UFM1: variants seen among roughly 807,000 people sequenced by gnomAD.
UFM1 encodes ubiquitin fold modifier 1, also known as ubiquitin-fold modifier 1.
Under a neutral mutation model 15.4 loss-of-function variants are expected in UFM1, and 9 were observed. The ratio of observed to expected loss-of-function variants is 0.59; its 90% CI spans 0.35 to 1.02. The LOEUF (loss-of-function observed/expected upper bound fraction) is 1.02, where lower values mean the gene tolerates loss of function less well. UFM1 is among the 50% of genes least tolerant of loss of function. The probability of loss-of-function intolerance (pLI) is 0.02; values close to 1 mark genes in which losing one functional copy is unlikely to be tolerated. For synonymous variants in UFM1, 27 were observed against 36.3 expected (o/e 0.74, Z 0.92); for missense variants, 98 against 104.7 (o/e 0.94, Z 0.28).
chr13:38,354,118 A>G lies in UFM1; in HGVS notation c.60-121A>G, dbSNP rs138910975. On this transcript the variant is annotated intron_variant, in intron 2 of 5. Transcript: ENST00000239878. Reference sequence around the variant, plus strand: ...AATGTAGTATGCAATCAAAATCACTAACTTTGAAACTGAAAAGACAGCTTT... The same window carrying G: ...AATGTAGTATGCAATCAAAATCACTGACTTTGAAACTGAAAAGACAGCTTT... The G allele has an allele frequency of 3.4e-4, 258 of 757,950 alleles. No homozygotes were observed. In the African/African-American group the frequency reaches 4.2e-3, roughly 12 times the overall value. The allele number at this position is 757,950 out of a possible 1,614,324, so 47.0% of individuals were successfully genotyped here. A position where few individuals can be genotyped will look rare whatever the true frequency, so the allele number is the denominator to read the frequency against.
chr13:38,363,070 T>C lies in UFM1; in HGVS notation c.*2292T>C, dbSNP rs185232733. 1 of 152,120 alleles carries C rather than the reference T, an allele frequency of 6.6e-6. No homozygotes were observed. The highest frequency in any genetic ancestry group is 1.5e-5 in the Non-Finnish European group (1 of 68,010). 9.4% of individuals were successfully genotyped at this position (152,120 alleles called of 1,614,324 possible). The stretch of plus-strand genomic sequence containing the variant: ...ACCTTTTGAGTCAGTATATAATACA[T>C]GTAGTAAAGAAAAAAAGGGCAAAGA... On this transcript the variant is annotated 3_prime_UTR_variant, in exon 6 of 6. Coordinates refer to ENST00000239878, the MANE Select transcript of UFM1 (RefSeq NM_016617.4).
chr13:38,357,332 G>A (rs1437980386), intron 3 of UFM1, among the ~76,000 whole-genome samples: 1 of 151,890 alleles, frequency 6.6e-6, no homozygotes, highest in Non-Finnish European at 1.5e-5. Context: ...TATTTTGCAT[G>A]TACTTTTTGC....
intron 5 of UFM1, 126 bp downstream of exon 5, chr13:38,359,459 T>C (rs1050736142): frequency 1.1e-4 from 106 of 983,048 alleles, no homozygotes; most frequent in Non-Finnish European, 1.5e-4. Flanking sequence ...TTAGGGATTA[T>C]ATACCAGTCT....
chr13:38,352,159 A>C (rs376564588), intron 2 of UFM1, among the ~76,000 whole-genome samples: 1 of 138,488 alleles, frequency 7.2e-6, no homozygotes, highest in African/African-American at 2.8e-5. Context: ...GTTGGAGTGC[A>C]GTGGCACGAT....
intron 2 of UFM1, among the ~76,000 whole-genome samples, chr13:38,353,962 A>G (rs1878974085): frequency 6.6e-6 from 1 of 152,064 alleles, no homozygotes; most frequent in Non-Finnish European, 1.5e-5. Context: ...ACTTACATGT[A>G]TGAAAGTGTT....
At chr13:38,353,120 A>G (rs1369396234) in intron 2 of UFM1, among the ~76,000 whole-genome samples, 1 of 152,146 alleles carries the variant, frequency 6.6e-6, no homozygotes, top group African/African-American at 2.4e-5. Flanking sequence ...GAGTTGTGGA[A>G]TGAGGGCAGC....
chr13:38,356,434 T>C (rs1480685205), intron 3 of UFM1, among the ~76,000 whole-genome samples: 1 of 151,840 alleles, frequency 6.6e-6, no homozygotes, highest in Non-Finnish European at 1.5e-5. Context: ...TAAGTACACT[T>C]TGAAATTCTT....
intron 3 of UFM1, chr13:38,354,617 A>C: frequency 5.1e-6 from 1 of 196,176 alleles, no homozygotes; most frequent in Non-Finnish European, 1.0e-5. Flanking sequence ...ATTATATTCT[A>C]TATACTCATA....
At chr13:38,356,702 A>G (rs893653983) in intron 3 of UFM1, among the ~76,000 whole-genome samples, 2 of 8,578 alleles carry the variant, frequency 2.3e-4, no homozygotes, top group African/African-American at 2.4e-4. Flanking sequence ...TAGTACCACC[A>G]AAAAAAAAAA....
rs2231335 is a variant in UFM1 at position 38,360,608 on chromosome 13, A to G, written c.191-103A>G. On this transcript the variant is annotated intron_variant, in intron 5 of 5. Transcript: ENST00000239878. Reference sequence around the variant, plus strand: ...TCATGATGCTTGAGCTTTTGTACCCATTTTACTGTTTACTAAATCATTTAT... The same window carrying G: ...TCATGATGCTTGAGCTTTTGTACCCGTTTTACTGTTTACTAAATCATTTAT... 3,635 of 889,292 alleles carry G rather than the reference A, an allele frequency of 4.1e-3. 38 individuals are homozygous for G. Among genetic ancestry groups the G allele is most frequent in the African/African-American group, 0.026 (1,509 of 59,052 alleles). The allele number at this position is 889,292 out of a possible 1,614,324, so 55.1% of individuals were successfully genotyped here. A position where few individuals can be genotyped will look rare whatever the true frequency, so the allele number is the denominator to read the frequency against.
rs778558499 is a variant in UFM1 at position 38,360,778 on chromosome 13, A to C, written c.258A>C (p.Ter86TyrextTer13). Reference sequence around the variant, plus strand: ...CTAGAGATCGTGTTGGAAGTTGTTAATATCTGCTACTTGGAACATACGATT... The same window carrying C: ...CTAGAGATCGTGTTGGAAGTTGTTACTATCTGCTACTTGGAACATACGATT... Reference protein sequence around the residue: ...IIPRDRVGSC* With the variant: ...IIPRDRVGSCY Residue 86 changes from the stop codon to tyrosine (Y), a stop_lost, in exon 6 of 6, where the codon TAA becomes TAC. Transcript: ENST00000239878. 3 of 1,606,236 alleles carry C rather than the reference A, an allele frequency of 1.9e-6. No homozygotes were observed. The Admixed American group carries it at 5.0e-5, about 27-fold the overall frequency.
At chr13:38,356,911 A>G (rs1260716314) in intron 3 of UFM1, among the ~76,000 whole-genome samples, 1 of 151,916 alleles carries the variant, frequency 6.6e-6, no homozygotes, top group African/African-American at 2.4e-5. Context: ...ATAAATGCAT[A>G]AACTGTGAAG....
rs772521766 is a variant in UFM1, at chr13:38,354,301, G to A, written c.117+5G>A. 2.5e-6 allele frequency: 4 copies of A among 1,607,566 alleles called. No individual in the cohort carries two copies. Among genetic ancestry groups the A allele is most frequent in the Non-Finnish European group, 2.6e-6 (3 of 1,175,774 alleles). ...TTAAAGTTTGCAGCAGAAGAAGTAA[G>A]TACAGAAGTTGGAACAACCTTTATG... On this transcript the variant is annotated splice_donor_5th_base_variant and intron_variant, in intron 3 of 5. Coordinates refer to ENST00000239878, the MANE Select transcript of UFM1 (RefSeq NM_016617.4).
At chr13:38,360,430 G>T (rs1391776871) in intron 5 of UFM1, among the ~76,000 whole-genome samples, 5 of 151,832 alleles carry the variant, frequency 3.3e-5, no homozygotes, top group African/African-American at 1.2e-4. Context: ...ATTGTGTATT[G>T]AAGGAAGTAT....
intron 3 of UFM1, 22 bp from the exon 4 acceptor site, chr13:38,358,071 A>AT (rs68091289): frequency 0.013 from 6,650 of 525,152 alleles, 648 homozygotes; most frequent in Admixed American, 0.037. Flanking sequence ...ATATATATAT[A>AT]TTTTTTTTTC....
chr13:38,353,604 A>C (rs1295509281), intron 2 of UFM1, among the ~76,000 whole-genome samples: 1 of 152,096 alleles, frequency 6.6e-6, no homozygotes, highest in African/African-American at 2.4e-5. Flanking sequence ...AGTTAACAAA[A>C]TCACTCATCC....
intron 2 of UFM1, among the ~76,000 whole-genome samples, chr13:38,353,422 G>C (rs1049752431): frequency 1.3e-5 from 2 of 151,874 alleles, no homozygotes; most frequent in African/African-American, 4.8e-5. Flanking sequence ...TTTAAAAGAA[G>C]TTTTAAAAAC....
intron 3 of UFM1, among the ~76,000 whole-genome samples, chr13:38,355,894 C>T (rs1004573346): frequency 6.6e-6 from 1 of 151,572 alleles, no homozygotes; most frequent in Non-Finnish European, 1.5e-5. Context: ...GATTTAAATC[C>T]CTCGTAAAAT....
Position 38,361,981 on chromosome 13 carries a change from T to TC in UFM1, c.*1203_*1204insC, listed in dbSNP as rs1298228742. Reference sequence around the variant, plus strand: ...AACATACAGACTTCAAAATACCCCTTATGAGAATCCAAAGAATGATGTGTG... The same window carrying TC: ...AACATACAGACTTCAAAATACCCCTTCATGAGAATCCAAAGAATGATGTGTG... On this transcript the variant is annotated 3_prime_UTR_variant, in exon 6 of 6. Transcript: ENST00000239878. 7.9e-5 allele frequency: 12 copies of TC among 152,290 alleles called. No homozygotes were observed. The highest frequency in any genetic ancestry group is 2.9e-4 in the African/African-American group (12 of 41,560). 9.4% of individuals were successfully genotyped at this position (152,290 alleles called of 1,614,324 possible). A position where few individuals can be genotyped will look rare whatever the true frequency, so the allele number is the denominator to read the frequency against.
Sources: allele counts gnomAD v4.1 joint callset (sites outside exome capture counted in the v4.1 genomes callset), GRCh38; gene constraint gnomAD v4.1.1; transcripts MANE v1.5; gene names NCBI Gene and HGNC (gene_info 2026-07-23, HGNC 2026-07-21).